PC: variants seen among roughly 807,000 people sequenced by gnomAD.
The protein encoded by PC is pyruvate carboxylase, mitochondrial.
PC carries 46 observed loss-of-function variants against 107.8 expected under a neutral mutation model. The ratio of observed to expected loss-of-function variants is 0.43; its 90% CI spans 0.34 to 0.55. The LOEUF is 0.55. PC is among the 20% of genes least tolerant of loss of function. The pLI, the probability that PC is intolerant of heterozygous loss-of-function variation, is 0.04. For missense variants in PC, 1,241 were observed against 1,643.1 expected, an observed-to-expected ratio of 0.76 and a Z score of 4.23; for synonymous variants, 662 against 684.7, an observed-to-expected ratio of 0.97 and a Z score of 0.52.
At chr11:66,867,806 G>C (rs1375707463) in intron 10 of PC, among the ~76,000 whole-genome samples, 1 of 152,260 alleles carries the variant, frequency 6.6e-6, no homozygotes, top group African/African-American at 2.4e-5. Context: ...CTCGGCCAAA[G>C]TGTTGGCCTT....
At chr11:66,860,991 A>G (rs113966483) in intron 12 of PC, among the ~76,000 whole-genome samples, 131 of 152,264 alleles carry the variant, frequency 8.6e-4, no homozygotes, top group African/African-American at 3.1e-3. Flanking sequence ...ACGCCATCCC[A>G]AAGGGACTGG....
intron 3 of PC, among the ~76,000 whole-genome samples, chr11:66,874,063 G>GCA (rs2135955776): frequency 6.6e-6 from 1 of 151,884 alleles, no homozygotes; most frequent in Non-Finnish European, 1.5e-5. Flanking sequence ...GGGTTCGAGT[G>GCA]ATTCTCCTGC....
rs1466579860 is a variant in PC, at chr11:66,857,637, G to C, written c.1369-4254C>G. The C allele has an allele frequency of 1.6e-6, 2 of 1,288,924 alleles. No individual in the cohort carries two copies. Among genetic ancestry groups the C allele is most frequent in the African/African-American group, 1.5e-5 (1 of 66,920 alleles). 79.8% of individuals were successfully genotyped at this position (1,288,924 alleles called of 1,614,324 possible). A position where few individuals can be genotyped will look rare whatever the true frequency, so the allele number is the denominator to read the frequency against. ...GGGCCTCTGACCCAGCCCCTCCCCG[G>C]GCCAGGCTCACAGAAGCTGGCTTCT... On this transcript the variant is annotated intron_variant, in intron 12 of 22. Coordinates refer to ENST00000393960, the MANE Select transcript of PC (RefSeq NM_001040716.2). This position sits in a 1 kb window ranked among gnomAD's most constrained non-coding sequence, Gnocchi z 7.1.
intron 3 of PC, among the ~76,000 whole-genome samples, chr11:66,875,702 G>C (rs1946951035): frequency 6.6e-6 from 1 of 152,118 alleles, no homozygotes; most frequent in South Asian, 2.1e-4. Context: ...GGGCTGGGAA[G>C]GGGCCACTGC....
Position 66,849,813 on chromosome 11 carries a change from A to T in PC, c.2945T>A (p.Leu982His), listed in dbSNP as rs1261885644. 5 of 1,613,850 alleles carry T rather than the reference A, an allele frequency of 3.1e-6. 1 individual carries two copies. The South Asian group carries it at 5.5e-5, about 18-fold the overall frequency. Residue 982 changes from leucine to histidine, a missense_variant, in exon 21 of 23, where the codon CTC (leucine) becomes CAC (histidine). This residue lies in a region of PC where 1,143 missense variants were observed against 1,551.9 expected (regional missense o/e 0.74). Transcript: ENST00000393960. The stretch of plus-strand genomic sequence containing the variant: ...CAGTGCCTGCAGATCCAGGGGAGGG[A>T]GGGAGGCTCCAGGCCGCCCCTCCAC... ...PRVEGRPGAS[L>H]PPLDLQALEK...
chr11:66,849,031 C>T lies in PC; in HGVS notation c.3405G>A (p.Gln1135=), dbSNP rs747244374. ...TCATGGCACTGAGCACACACAGGGGCTGGCCCTTGGCCACCTTGGCCCCTG... is the reference window on the plus strand; with the variant it reads ...TCATGGCACTGAGCACACACAGGGGTTGGCCCTTGGCCACCTTGGCCCCTG... ...VVAGAKVAKG[Q]PLCVLSAMKM... is the part of the protein sequence containing the mutation. Residue 1135 remains glutamine (Q), a synonymous_variant, in exon 23 of 23, where the codon CAG becomes CAA. Coordinates refer to ENST00000393960, the MANE Select transcript of PC (RefSeq NM_001040716.2). The T allele has an allele frequency of 1.9e-6, 3 of 1,614,108 alleles. No homozygotes were observed. The highest frequency in any genetic ancestry group is 1.7e-6 in the Non-Finnish European group (2 of 1,180,042).
chr11:66,934,332 T>C (rs1289838017), intron 3 of PC: 2 of 152,710 alleles, frequency 1.3e-5, no homozygotes, highest in African/African-American at 4.8e-5. Flanking sequence ...GTGATTTCAT[T>C]TGTTTATGTG....
intron 3 of PC, among the ~76,000 whole-genome samples, chr11:66,907,174 G>A (rs1207369374): frequency 1.3e-5 from 2 of 152,198 alleles, no homozygotes; most frequent in Admixed American, 6.6e-5. Flanking sequence ...TCATGCAAGG[G>A]TGTTCTGGCC....
intron 3 of PC, among the ~76,000 whole-genome samples, chr11:66,914,711 G>A (rs1026956861): frequency 4.6e-5 from 7 of 152,092 alleles, no homozygotes; most frequent in Non-Finnish European, 7.4e-5. Context: ...TTCTGCCGTC[G>A]CCTCCAATTA....
chr11:66,873,049 T>C (rs938359628), intron 3 of PC, among the ~76,000 whole-genome samples: 2 of 124,534 alleles, frequency 1.6e-5, no homozygotes, highest in Admixed American at 8.5e-5. Context: ...AAAAAAAAAG[T>C]ATAATACTTC....
At chr11:66,941,976 C>A (rs531535556) in intron 3 of PC, among the ~76,000 whole-genome samples, 13 of 151,986 alleles carry the variant, frequency 8.6e-5, no homozygotes, top group Non-Finnish European at 1.6e-4. Context: ...GTGGCACATG[C>A]CTGTAATCCC....
intron 3 of PC, among the ~76,000 whole-genome samples, chr11:66,885,868 G>A (rs1000029767): frequency 6.6e-6 from 1 of 152,248 alleles, no homozygotes; most frequent in Non-Finnish European, 1.5e-5. Flanking sequence ...GATGGCAGCT[G>A]TAGGAATCTA....
rs761427745 is a variant in PC at position 66,851,144 on chromosome 11, T to C, written c.2119A>G (p.Thr707Ala). 2 of 1,612,548 alleles carry C rather than the reference T, an allele frequency of 1.2e-6. No homozygotes were observed. Among genetic ancestry groups the C allele is most frequent in the South Asian group, 1.1e-5 (1 of 91,080 alleles). The change falls in exon 17 of 23, where the codon ACG becomes GCG. Residue 707 changes from threonine to alanine, a missense_variant. Thr to Ala is a moderately conservative substitution (Grantham distance 58). This residue lies in a region of PC where 1,143 missense variants were observed against 1,551.9 expected (regional missense o/e 0.74). Transcript: ENST00000393960. ...CGGCTGGGGTCGGCCACGTCGCCCG[T>C]GTATGAGATGGCAGCCTCCACCACG... ...GGVVEAAISY[T>A]GDVADPSRTK...
Position 66,870,322 on chromosome 11 carries a change from A to C in PC, c.883T>G (p.Ser295Ala). 6.2e-7 allele frequency: 1 copy of C among 1,613,424 alleles called. No homozygotes were observed. Among genetic ancestry groups the C allele is most frequent in the Non-Finnish European group, 8.5e-7 (1 of 1,179,968 alleles). The change falls in exon 9 of 23, where the codon TCT (serine) becomes GCT (alanine). Residue 295 changes from serine to alanine, a missense_variant. This residue lies in a region of PC where 1,143 missense variants were observed against 1,551.9 expected (regional missense o/e 0.74). Transcript: ENST00000393960. The surrounding 1 kb of genome is among the most constrained non-coding windows in gnomAD (Gnocchi z 6.1). Reference sequence around the variant, plus strand: ...TTCACCTGTTTAGCGAGTTTCACAGAGTCGCTGGTGAGCCGAGTCCGAAGC... The same window carrying C: ...TTCACCTGTTTAGCGAGTTTCACAGCGTCGCTGGTGAGCCGAGTCCGAAGC... ...PQLRTRLTSD[S>A]VKLAKQVGYE...
intron 3 of PC, among the ~76,000 whole-genome samples, chr11:66,902,560 C>T (rs564425109): frequency 6.6e-6 from 1 of 152,142 alleles, no homozygotes; most frequent in Non-Finnish European, 1.5e-5. Flanking sequence ...TCCTGCCCTG[C>T]CACCTGGGAG....
Position 66,936,925 on chromosome 11 carries a change from C to CG in PC, c.-1+15504dup. Among the ~76,000 whole-genome samples the CG allele has an allele frequency of 2.6e-5, 4 of 152,208 alleles. No homozygotes were observed. The South Asian group carries it at 8.3e-4, about 32-fold the overall frequency. ...CGCGATCTTGGCTCACTGCAACCTC[C>CG]GCCTCCCAAGTTCAAGCAACGATTC... is the stretch of plus-strand genomic sequence containing the variant. On this transcript the variant is annotated intron_variant, in intron 3 of 22. Coordinates refer to ENST00000393960, the MANE Select transcript of PC (RefSeq NM_001040716.2).
intron 12 of PC, among the ~76,000 whole-genome samples, chr11:66,855,425 G>A (rs1475993548): frequency 2.0e-5 from 3 of 152,082 alleles, no homozygotes; most frequent in African/African-American, 7.2e-5. Flanking sequence ...TGCGATTCTC[G>A]TGCCTCATCC....
intron 12 of PC, among the ~76,000 whole-genome samples, chr11:66,854,820 C>A (rs938234141): frequency 2.6e-5 from 4 of 152,244 alleles, no homozygotes; most frequent in Non-Finnish European, 5.9e-5. Context: ...AGAGTGGGAC[C>A]CCGCCAGCAG....
chr11:66,933,529 C>T (rs1249671783), intron 3 of PC, among the ~76,000 whole-genome samples: 1 of 152,162 alleles, frequency 6.6e-6, no homozygotes, highest in Non-Finnish European at 1.5e-5. Flanking sequence ...GACCTCAGGT[C>T]TTGGAGTCAG....
Sources: allele counts gnomAD v4.1 joint callset (sites outside exome capture counted in the v4.1 genomes callset), GRCh38; gene constraint gnomAD v4.1.1; regional missense constraint gnomAD v4.1.1; non-coding constraint Gnocchi (gnomAD v3.1); transcripts MANE v1.5; gene names NCBI Gene and HGNC (gene_info 2026-07-23, HGNC 2026-07-21).